PFKFB1: variants seen among roughly 807,000 people sequenced by gnomAD.
PFKFB1 encodes 6-phosphofructo-2-kinase/fructose-2,6-bisphosphatase 1.
PFKFB1 carries 34 observed loss-of-function variants against 46.4 expected under a neutral mutation model. That is an observed-to-expected ratio of 0.73 (90% CI 0.56 to 0.98). PFKFB1 has a LOEUF of 0.98. Among genes scored for constraint, PFKFB1 ranks in the 50% least tolerant of loss-of-function variants. The pLI, the probability that PFKFB1 is intolerant of heterozygous loss-of-function variation, is 0.00. For synonymous variants in PFKFB1, 119 were observed against 133.8 expected, an observed-to-expected ratio of 0.89 and a Z score of 0.76; for missense variants, 393 against 376.3, an observed-to-expected ratio of 1.04 and a Z score of -0.37.
intron 6 of PFKFB1, among the ~76,000 whole-genome samples, chrX:54,958,013 T>C (rs998808133): frequency 1.8e-5 from 2 of 111,716 alleles, no homozygotes; most frequent in Non-Finnish European, 3.8e-5. Flanking sequence ...CAGTTTCCTC[T>C]CTCTAACATG....
chrX:54,962,458 G>C (rs755563813), intron 2 of PFKFB1, among the ~76,000 whole-genome samples: 1 of 112,468 alleles, frequency 8.9e-6, no homozygotes, highest in South Asian at 3.7e-4. Context: ...TCAAGGACAG[G>C]GTGTGAGTCT....
intron 1 of PFKFB1, among the ~76,000 whole-genome samples, chrX:54,989,558 A>G (rs1252689342): frequency 8.9e-6 from 1 of 112,192 alleles, no homozygotes; most frequent in Non-Finnish European, 1.9e-5. Context: ...CATTTGAGCC[A>G]GATTAACAAA....
intron 1 of PFKFB1, among the ~76,000 whole-genome samples, chrX:54,973,760 C>G (rs1381665633): frequency 1.8e-5 from 2 of 110,769 alleles, no homozygotes; most frequent in South Asian, 3.8e-4. Flanking sequence ...TTACTTCCAA[C>G]TATGTGGTCA....
intron 1 of PFKFB1, among the ~76,000 whole-genome samples, chrX:54,972,114 T>C (rs1245187878): frequency 9.0e-5 from 10 of 110,824 alleles, no homozygotes; most frequent in Non-Finnish European, 9.5e-5. Context: ...TGAATGGGAG[T>C]TCACTCATGA....
intron 1 of PFKFB1, among the ~76,000 whole-genome samples, chrX:54,967,068 T>G (rs1257835373): frequency 9.0e-6 from 1 of 110,760 alleles, no homozygotes; most frequent in Non-Finnish European, 1.9e-5. Context: ...GGCTGGAAAA[T>G]TGAATTGATG....
At chrX:54,994,515 A>AT, upstream of PFKFB1, 1 of 754,115 alleles carries the variant, frequency 1.3e-6, no homozygotes. Context: ...CCCAAGTAGA[A>AT]TGTCAAGCTC....
intron 10 of PFKFB1, among the ~76,000 whole-genome samples, chrX:54,939,348 C>A (rs765990961): frequency 2.4e-4 from 27 of 111,495 alleles, no homozygotes; most frequent in Admixed American, 8.6e-4. Context: ...GAAGCAAGAG[C>A]AAACACATTC....
rs1203822019 is a variant in PFKFB1 at position 54,933,415 on chromosome X, T to C, written c.1404A>G (p.Pro468=). 8.3e-7 allele frequency: 1 copy of C among 1,206,342 alleles called. No individual in the cohort carries two copies. Among genetic ancestry groups the C allele is most frequent in the African/African-American group, 1.8e-5 (1 of 57,083 alleles). ...REPEEALDTV[P]AHY Reference sequence around the variant, plus strand: ...TCTTGGAAAGGGCTCAGTAGTGGGCTGGGACAGTATCCAGGGCTTCCTCAG... The same window carrying C: ...TCTTGGAAAGGGCTCAGTAGTGGGCCGGGACAGTATCCAGGGCTTCCTCAG... The change falls in exon 14 of 14, where the codon CCA becomes CCG. Residue 468 remains proline, a synonymous_variant. Transcript: ENST00000375006.
chrX:54,986,444 T>C (rs1027462240), intron 1 of PFKFB1, among the ~76,000 whole-genome samples: 5 of 112,350 alleles, frequency 4.5e-5, no homozygotes, highest in African/African-American at 1.6e-4. Flanking sequence ...TAGAGATATA[T>C]AGGGACATTC....
Position 54,958,357 on chromosome X carries a change from A to C in PFKFB1, c.465T>G (p.Phe155Leu), listed in dbSNP as rs1300364885. 8.7e-7 allele frequency: 1 copy of C among 1,149,026 alleles called. No individual in the cohort carries two copies. Among genetic ancestry groups the C allele is most frequent in the Admixed American group, 2.2e-5 (1 of 45,551 alleles). The allele number at this position is 1,149,026 out of a possible 1,213,427, so 94.7% of individuals were successfully genotyped here. The change falls in exon 6 of 14, where the codon TTT becomes TTG. Residue 155 changes from phenylalanine (F) to leucine (L), a missense_variant. By Grantham distance (22) the Phe-to-Leu change is conservative (BLOSUM62 0). Coordinates refer to ENST00000375006, the MANE Select transcript of PFKFB1 (RefSeq NM_002625.4). Reference sequence around the variant, plus strand: ...GGTCATTACAAATGGACTCAATGAAAAACACCTATAAAAGAAACAGAAAAG... The same window carrying C: ...GGTCATTACAAATGGACTCAATGAACAACACCTATAAAAGAAACAGAAAAG... ...QFAKEHGYKV[F>L]FIESICNDPG...
At chrX:54,944,681 A>G (rs1412976716) in intron 10 of PFKFB1, among the ~76,000 whole-genome samples, 1 of 112,111 alleles carries the variant, frequency 8.9e-6, no homozygotes, top group Non-Finnish European at 1.9e-5. Context: ...TTCACTGAGA[A>G]GACATAATTG....
At chrX:54,948,718 C>T (rs1933876781) in intron 9 of PFKFB1, among the ~76,000 whole-genome samples, 1 of 111,639 alleles carries the variant, frequency 9.0e-6, no homozygotes, top group Admixed American at 9.5e-5. Flanking sequence ...CTTATATCAC[C>T]TCTAGCTTCC....
At position 54,960,889 on chromosome X, in the gene PFKFB1, C is replaced by G. The variant is rs147013214; in HGVS notation, c.252G>C (p.Glu84Asp). The G allele has an allele frequency of 3.4e-6, 4 of 1,191,828 alleles. No individual in the cohort carries two copies. The Admixed American group carries it at 6.6e-5, about 20-fold the overall frequency. The change falls in exon 3 of 14, where the codon GAG becomes GAC. Residue 84 changes from glutamate to aspartate, a missense_variant. Transcript: ENST00000375006. ...KVFNLGQYRR[E>D]AVSYKNYEFF... ...ATTCATAGTTCTTGTAGCTCACTGC[C>G]TCTCGTCGATACTGGCCTAAATTAA...
At chrX:54,973,287 AC>A (rs989135853) in intron 1 of PFKFB1, among the ~76,000 whole-genome samples, 5 of 110,871 alleles carry the variant, frequency 4.5e-5, no homozygotes, top group African/African-American at 1.6e-4. Flanking sequence ...CTTTCAAAAA[AC>A]CAGCTCCTGG....
chrX:54,963,223 T>G (rs767857100), intron 2 of PFKFB1, 34 bp downstream of exon 2: 70 of 1,201,703 alleles, frequency 5.8e-5, no homozygotes, highest in Non-Finnish European at 7.4e-5. Flanking sequence ...GTAGCTTTTA[T>G]GGGGTTGTTG....
Position 54,945,528 on chromosome X carries a change from T to C in PFKFB1, c.1009A>G (p.Met337Val). 8.5e-7 allele frequency: 1 copy of C among 1,175,876 alleles called. No homozygotes were observed. Among genetic ancestry groups the C allele is most frequent in the Non-Finnish European group, 1.2e-6 (1 of 865,282 alleles). The change falls in exon 10 of 14, where the codon ATG (methionine) becomes GTG (valine). Residue 337 changes from methionine (M) to valine (V), a missense_variant. By Grantham distance (21) the Met-to-Val change is conservative. Transcript: ENST00000375006. Reference sequence around the variant, plus strand: ...TGTTCCTGGATTTCTTCATAGGTCATCTCCTCACAGACACCCTGAGAAAAA... The same window carrying C: ...TGTTCCTGGATTTCTTCATAGGTCACCTCCTCACAGACACCCTGAGAAAAA... ...NEIDAGVCEEMTYEEIQEHYP... is the reference protein window; with the variant it reads ...NEIDAGVCEEVTYEEIQEHYP...
At chrX:54,998,551 G>T (rs1935388883), upstream of PFKFB1, 2 of 569,376 alleles carry the variant, frequency 3.5e-6, no homozygotes, top group South Asian at 5.4e-5. Context: ...GGCTGAGGAC[G>T]TACCCTTGTT....
At chrX:54,950,041 C>A (rs770548169) in intron 8 of PFKFB1, among the ~76,000 whole-genome samples, 36 of 111,566 alleles carry the variant, frequency 3.2e-4, no homozygotes, top group African/African-American at 1.0e-3. Context: ...ACTGGCAGCA[C>A]CGAGGGGAAC....
chrX:54,958,287 A>G lies in PFKFB1; in HGVS notation c.516+19T>C, dbSNP rs768379693. The G allele has an allele frequency of 3.5e-6, 4 of 1,138,885 alleles. No homozygotes were observed. The East Asian group carries it at 1.2e-4, about 34-fold the overall frequency. 93.9% of individuals were successfully genotyped at this position (1,138,885 alleles called of 1,213,427 possible). On this transcript the variant is annotated intron_variant, in intron 6 of 13. Coordinates refer to ENST00000375006, the MANE Select transcript of PFKFB1 (RefSeq NM_002625.4). ...AGCCTAAGGCAGAGCAAAGTGGAAA[A>G]GTAACTGGTGGTCCTTACCCTGATG... is the stretch of plus-strand genomic sequence containing the variant.
Sources: gnomAD v4.1 joint callset for allele counts (sites outside exome capture counted in the v4.1 genomes callset) on GRCh38, gnomAD v4.1.1 for gene constraint, MANE v1.5 for transcripts, NCBI Gene and HGNC (gene_info 2026-07-23, HGNC 2026-07-21) for gene names.